TMPRSS11F: variants seen among roughly 807,000 people sequenced by gnomAD.
The protein encoded by TMPRSS11F is transmembrane protease serine 11F.
A neutral mutation model predicts 60.2 loss-of-function variants in TMPRSS11F; 47 were observed. The ratio of observed to expected loss-of-function variants is 0.78; its 90% CI spans 0.62 to 1.00. The LOEUF is 1.00. TMPRSS11F is among the 50% of genes least tolerant of loss of function. The pLI is 0.00. For missense variants in TMPRSS11F, 519 were observed against 522.9 expected (o/e 0.99, Z 0.07); for synonymous variants, 166 against 167.3 (o/e 0.99, Z 0.06).
chr4:68,107,423 C>T (rs1724324238), intron 1 of TMPRSS11F, among the ~76,000 whole-genome samples: 1 of 152,116 alleles, frequency 6.6e-6, no homozygotes, highest in South Asian at 2.1e-4. Context: ...CAGGGGAGAT[C>T]ACTCTGCAAA....
chr4:68,105,652 A>G (rs1377825655), intron 1 of TMPRSS11F, among the ~76,000 whole-genome samples: 3 of 152,178 alleles, frequency 2.0e-5, no homozygotes, highest in African/African-American at 4.8e-5. Flanking sequence ...TCTTTTCTTT[A>G]AATATAATTC....
intron 9 of TMPRSS11F, among the ~76,000 whole-genome samples, chr4:68,054,923 T>A (rs780550109): frequency 3.3e-5 from 5 of 152,102 alleles, no homozygotes; most frequent in Non-Finnish European, 5.9e-5. Context: ...TCATGATACG[T>A]GCTATGGTAA....
chr4:68,077,351 A>G (rs935650521), intron 3 of TMPRSS11F: 9 of 152,268 alleles, frequency 5.9e-5, no homozygotes, highest in Non-Finnish European at 8.8e-5. Flanking sequence ...TCTAAGTTCC[A>G]CAGTCTACAA....
At chr4:68,104,095 T>A (rs529354254) in intron 1 of TMPRSS11F, among the ~76,000 whole-genome samples, 2 of 152,304 alleles carry the variant, frequency 1.3e-5, no homozygotes, top group Non-Finnish European at 2.9e-5. Context: ...GTCAGAATAA[T>A]TTTACTTCCT....
intron 1 of TMPRSS11F, among the ~76,000 whole-genome samples, chr4:68,109,628 A>C (rs928554605): frequency 2.0e-5 from 3 of 152,204 alleles, no homozygotes; most frequent in African/African-American, 7.2e-5. Context: ...TATTAGTTCA[A>C]CTTAGTAACA....
chr4:68,097,779 C>T (rs576037708), intron 2 of TMPRSS11F, among the ~76,000 whole-genome samples: 62 of 151,784 alleles, frequency 4.1e-4, no homozygotes, highest in African/African-American at 1.4e-3. Context: ...TACCTTCTAA[C>T]CCAAAGAAAA....
chr4:68,055,825 C>T (rs922659110), intron 9 of TMPRSS11F, among the ~76,000 whole-genome samples: 1 of 152,034 alleles, frequency 6.6e-6, no homozygotes, highest in African/African-American at 2.4e-5. Context: ...GAACCAAATT[C>T]AAATAGATTA....
intron 1 of TMPRSS11F, among the ~76,000 whole-genome samples, chr4:68,101,953 C>T (rs1011102619): frequency 6.6e-6 from 1 of 152,132 alleles, no homozygotes; most frequent in Non-Finnish European, 1.5e-5. Context: ...TCCTACATAT[C>T]TGCTACTTTG....
intron 3 of TMPRSS11F, among the ~76,000 whole-genome samples, chr4:68,086,677 A>G (rs1026556826): frequency 6.6e-6 from 1 of 152,178 alleles, no homozygotes; most frequent in Non-Finnish European, 1.5e-5. Context: ...CAGAAATGAC[A>G]AAGTTGACAT....
At chr4:68,096,617 T>C (rs186941017) in intron 2 of TMPRSS11F, among the ~76,000 whole-genome samples, 2 of 152,310 alleles carry the variant, frequency 1.3e-5, no homozygotes, top group East Asian at 3.9e-4. Context: ...TATTCAAAAG[T>C]CACTGATTTT....
chr4:68,079,884 G>A (rs540281870), intron 3 of TMPRSS11F, among the ~76,000 whole-genome samples: 1 of 152,294 alleles, frequency 6.6e-6, no homozygotes, highest in East Asian at 1.9e-4. Flanking sequence ...ATACCACCCA[G>A]GTACTGTTTT....
intron 2 of TMPRSS11F, among the ~76,000 whole-genome samples, chr4:68,094,569 T>A (rs940941846): frequency 1.7e-5 from 2 of 116,432 alleles, no homozygotes; most frequent in East Asian, 4.8e-4. Context: ...TAAATAAATT[T>A]AAAAATAAAT....
At chr4:68,117,467 CAAAAAAAAAAAAAA>C (rs55708045) in intron 1 of TMPRSS11F, among the ~76,000 whole-genome samples, 64 of 51,400 alleles carry the variant, frequency 1.2e-3, no homozygotes, top group Non-Finnish European at 1.5e-3. Flanking sequence ...GACTCTGTCT[CAAAAAAAAAAAAAA>C]AAAAAAAAAA....
intron 3 of TMPRSS11F, among the ~76,000 whole-genome samples, chr4:68,084,739 T>C (rs1723773562): frequency 6.6e-6 from 1 of 151,404 alleles, no homozygotes; most frequent in Non-Finnish European, 1.5e-5. Context: ...TTTATGTTCT[T>C]TTTTTTTATT....
chr4:68,126,259 T>C (rs13151468), intron 1 of TMPRSS11F, among the ~76,000 whole-genome samples: 47,257 of 151,976 alleles, frequency 0.31, 7,501 homozygotes, highest in East Asian at 0.49. Context: ...AGAATATATG[T>C]AGATATATAC....
rs55649925 is a variant in TMPRSS11F at position 68,073,672 on chromosome 4, CG to C, written c.350+269del. Among the ~76,000 whole-genome samples the C allele has an allele frequency of 5.3e-5, 8 of 152,076 alleles. No individual in the cohort carries two copies. The East Asian group carries it at 1.4e-3, about 26-fold the overall frequency. ...TCTACTTAGCCCCTAGCTTAAGAGA[CG>C]GGGGGAAGAGGGAATGTTAACTGTG... On this transcript the variant is annotated intron_variant, in intron 4 of 9. Coordinates refer to ENST00000356291, the MANE Select transcript of TMPRSS11F (RefSeq NM_207407.2).
intron 6 of TMPRSS11F, among the ~76,000 whole-genome samples, chr4:68,069,463 A>G (rs186111955): frequency 6.6e-6 from 1 of 152,324 alleles, no homozygotes; most frequent in African/African-American, 2.4e-5. Flanking sequence ...CTAGATTTCA[A>G]GTCAATCTTA....
chr4:68,054,883 A>G (rs546277966), intron 9 of TMPRSS11F, among the ~76,000 whole-genome samples: 1 of 152,308 alleles, frequency 6.6e-6, no homozygotes, highest in Non-Finnish European at 1.5e-5. Flanking sequence ...ACAATATTAA[A>G]TAAGCCCAAA....
chr4:68,120,254 G>C (rs927879198), intron 1 of TMPRSS11F, among the ~76,000 whole-genome samples: 2 of 152,092 alleles, frequency 1.3e-5, no homozygotes, highest in Admixed American at 1.3e-4. Flanking sequence ...AAAGGATTTG[G>C]AATAATACAT....
Sources: gnomAD v4.1 joint callset for allele counts (sites outside exome capture counted in the v4.1 genomes callset) on GRCh38, gnomAD v4.1.1 for gene constraint, MANE v1.5 for transcripts, NCBI Gene and HGNC (gene_info 2026-07-23, HGNC 2026-07-21) for gene names.